The following ASTN2 variants were observed in gnomAD, a reference collection of about 807,000 sequenced individuals.
ASTN2 encodes astrotactin 2.
ASTN2 carries 54 observed loss-of-function variants against 139.8 expected under a neutral mutation model. That is an observed-to-expected ratio of 0.39 (90% CI 0.31 to 0.48). The LOEUF is 0.48. ASTN2 is among the 20% of genes least tolerant of loss of function. ASTN2 has a pLI of 0.95. For missense variants in ASTN2, 1,565 were observed against 1,725.1 expected (o/e 0.91, Z 1.64); for synonymous variants, 756 against 719.5 (o/e 1.05, Z -0.81).
At chr9:117,111,223 C>G (rs1389878377) in intron 4 of ASTN2, among the ~76,000 whole-genome samples, 1 of 152,144 alleles carries the variant, frequency 6.6e-6, no homozygotes, top group African/African-American at 2.4e-5. Flanking sequence ...TTCATTCATT[C>G]CCAAGGGAAA....
chr9:117,336,439 C>G (rs1452897282), intron 1 of ASTN2, among the ~76,000 whole-genome samples: 1 of 152,138 alleles, frequency 6.6e-6, no homozygotes, highest in Admixed American at 6.5e-5. Context: ...CCTGAGGAAT[C>G]ATCACCCGAT....
At chr9:116,800,512 C>A (rs898251202) in intron 13 of ASTN2, among the ~76,000 whole-genome samples, 1 of 152,156 alleles carries the variant, frequency 6.6e-6, no homozygotes, top group Admixed American at 6.5e-5. Flanking sequence ...GAAGAGGTAG[C>A]TCCCCATGGA....
intron 4 of ASTN2, among the ~76,000 whole-genome samples, chr9:117,099,864 A>G (rs1220697550): frequency 6.6e-6 from 1 of 152,184 alleles, no homozygotes; most frequent in Non-Finnish European, 1.5e-5. Context: ...TTGGTTTCAT[A>G]GATGAATAAC....
intron 19 of ASTN2, among the ~76,000 whole-genome samples, chr9:116,542,855 G>A (rs966105671): frequency 6.6e-6 from 1 of 152,134 alleles, no homozygotes; most frequent in African/African-American, 2.4e-5. Context: ...GGGAGGCAGA[G>A]ATTGCAGTGA....
At chr9:117,003,522 T>C (rs1837248628) in intron 7 of ASTN2, among the ~76,000 whole-genome samples, 1 of 147,560 alleles carries the variant, frequency 6.8e-6, no homozygotes, top group Non-Finnish European at 1.5e-5. Flanking sequence ...TTTCCAGCTC[T>C]AAAGAGTGGT....
intron 3 of ASTN2, among the ~76,000 whole-genome samples, chr9:117,195,366 A>G (rs905543722): frequency 6.6e-6 from 1 of 152,194 alleles, no homozygotes; most frequent in African/African-American, 2.4e-5. Flanking sequence ...TCTGAAGAAC[A>G]GAGAAGAGGC....
chr9:117,166,056 G>A (rs558508787), intron 3 of ASTN2, among the ~76,000 whole-genome samples: 14 of 152,134 alleles, frequency 9.2e-5, no homozygotes, highest in African/African-American at 3.1e-4. Flanking sequence ...CTGCTTATTA[G>A]TAATTATATA....
chr9:116,871,213 G>A (rs1478332450), intron 10 of ASTN2, among the ~76,000 whole-genome samples: 11 of 152,140 alleles, frequency 7.2e-5, no homozygotes, highest in African/African-American at 1.9e-4. Context: ...AGCCGAGATC[G>A]TGCCACGGCA....
chr9:117,377,306 G>A (rs772550269), intron 1 of ASTN2, among the ~76,000 whole-genome samples: 4 of 152,130 alleles, frequency 2.6e-5, no homozygotes, highest in African/African-American at 4.8e-5. Flanking sequence ...ATTCTGCAAA[G>A]CCTTTTCTAA....
intron 10 of ASTN2, among the ~76,000 whole-genome samples, chr9:116,881,782 A>C (rs966774638): frequency 6.6e-6 from 1 of 152,220 alleles, no homozygotes. Context: ...ATAGGCAGCA[A>C]CAGGCCGTGT....
In ASTN2 at chr9:117,190,250, AT is replaced by A. The variant is rs559850200; in HGVS notation, c.1015+24107del. ...GCAGAAATGTGAATTTCTATGTGAA[AT>A]TTTCCAATTTATATATATTAACAAC... On this transcript the variant is annotated intron_variant, in intron 3 of 22. Coordinates refer to ENST00000313400, the MANE Select transcript of ASTN2 (RefSeq NM_001365068.1). Among the ~76,000 whole-genome samples the A allele has an allele frequency of 3.9e-5, 6 of 152,262 alleles. No homozygotes were observed. In the South Asian group the frequency reaches 1.2e-3, roughly 32 times the overall value.
At chr9:117,207,793 G>A (rs942592632) in intron 3 of ASTN2, among the ~76,000 whole-genome samples, 3 of 152,132 alleles carry the variant, frequency 2.0e-5, no homozygotes, top group African/African-American at 4.8e-5. Flanking sequence ...ACATCCCCCT[G>A]TTCTGAGAAA....
intron 5 of ASTN2, among the ~76,000 whole-genome samples, chr9:117,088,810 C>T (rs1479280885): frequency 6.6e-6 from 1 of 152,150 alleles, no homozygotes; most frequent in Non-Finnish European, 1.5e-5. Flanking sequence ...AAAGCGAGGT[C>T]CAGAGAGGGA....
intron 11 of ASTN2, among the ~76,000 whole-genome samples, chr9:116,840,634 G>C (rs1480187639): frequency 8.4e-6 from 1 of 118,580 alleles, no homozygotes; most frequent in African/African-American, 3.1e-5. Context: ...GGCGGCTGCC[G>C]GGCGGAGGGG....
chr9:116,912,614 G>A (rs1347752836), intron 10 of ASTN2, among the ~76,000 whole-genome samples: 1 of 152,150 alleles, frequency 6.6e-6, no homozygotes, highest in Non-Finnish European at 1.5e-5. Context: ...TTCATCCGGA[G>A]AATGATTTGT....
intron 1 of ASTN2, among the ~76,000 whole-genome samples, chr9:117,334,175 T>C (rs961177772): frequency 5.3e-5 from 8 of 152,172 alleles, no homozygotes; most frequent in African/African-American, 1.7e-4. Flanking sequence ...GGGGCTACAG[T>C]TGGCCTGAGA....
chr9:116,629,210 C>T (rs964689278), intron 17 of ASTN2, among the ~76,000 whole-genome samples: 8 of 150,714 alleles, frequency 5.3e-5, no homozygotes, highest in Non-Finnish European at 1.0e-4. Context: ...CTCCACCTCC[C>T]GGGTTCACGC....
chr9:117,262,678 A>C (rs909539882), intron 2 of ASTN2, among the ~76,000 whole-genome samples: 1 of 152,170 alleles, frequency 6.6e-6, no homozygotes, highest in Non-Finnish European at 1.5e-5. Context: ...GAACCTGTGA[A>C]TATGATAGGT....
chr9:117,158,613 A>G (rs1830480366), intron 3 of ASTN2, among the ~76,000 whole-genome samples: 1 of 152,018 alleles, frequency 6.6e-6, no homozygotes, highest in African/African-American at 2.4e-5. Flanking sequence ...TATCAGTATC[A>G]GTGAGTGCAT....
Sources: gnomAD v4.1 joint callset for allele counts (sites outside exome capture counted in the v4.1 genomes callset) on GRCh38, gnomAD v4.1.1 for gene constraint, MANE v1.5 for transcripts, NCBI Gene and HGNC (gene_info 2026-07-23, HGNC 2026-07-21) for gene names.